The following TFDP2 variants were observed in gnomAD, a reference collection of about 807,000 sequenced individuals.
TFDP2 encodes transcription factor Dp-2, also known as transcription factor Dp-2 (E2F dimerization partner 2).
In TFDP2, 17 loss-of-function variants were observed where a neutral mutation model predicts 59.3. That is an observed-to-expected ratio of 0.29 (90% CI 0.20 to 0.43). The LOEUF (loss-of-function observed/expected upper bound fraction) is 0.43, where lower values mean the gene tolerates loss of function less well. TFDP2 is among the 20% of genes least tolerant of loss of function. The pLI is 1.00. For missense variants in TFDP2, 391 were observed against 528.8 expected (o/e 0.74, Z 2.56); for synonymous variants, 180 against 194.7 (o/e 0.92, Z 0.63).
At chr3:141,997,116 T>C (rs974445195) in intron 4 of TFDP2, among the ~76,000 whole-genome samples, 1 of 152,182 alleles carries the variant, frequency 6.6e-6, no homozygotes, top group Non-Finnish European at 1.5e-5. Flanking sequence ...GCAGGATCTT[T>C]AGGGGTGGCG....
chr3:142,038,731 T>C lies in TFDP2; in HGVS notation c.83-33187A>G, dbSNP rs903571809. Reference sequence around the variant, plus strand: ...ACATATCGAGTCTTTCTATGATACATATTTTTTTTTACAAAAAAGGGGATC... The same window carrying C: ...ACATATCGAGTCTTTCTATGATACACATTTTTTTTTACAAAAAAGGGGATC... On this transcript the variant is annotated intron_variant, in intron 3 of 12. Coordinates refer to ENST00000489671, the MANE Select transcript of TFDP2 (RefSeq NM_001178139.2). Among the ~76,000 whole-genome samples the C allele has an allele frequency of 3.3e-5, 5 of 151,208 alleles. No homozygotes were observed. The East Asian group carries it at 5.8e-4, about 18-fold the overall frequency.
intron 3 of TFDP2, among the ~76,000 whole-genome samples, chr3:142,019,168 G>A (rs1348957173): frequency 1.3e-5 from 2 of 151,790 alleles, no homozygotes; most frequent in African/African-American, 4.8e-5. Flanking sequence ...AGGTTCAATG[G>A]ATTCTCCTGC....
intron 3 of TFDP2, among the ~76,000 whole-genome samples, chr3:142,088,976 C>T (rs1414170336): frequency 6.6e-5 from 10 of 151,812 alleles, no homozygotes; most frequent in African/African-American, 1.2e-4. Context: ...TACAGGTGCC[C>T]GCCACCATGC....
chr3:141,973,118 T>C (rs1940045000), intron 8 of TFDP2, among the ~76,000 whole-genome samples: 1 of 87,602 alleles, frequency 1.1e-5, no homozygotes, highest in South Asian at 3.9e-4. Context: ...TATATATATA[T>C]ATATATTTTT....
At chr3:141,985,443 C>T (rs1346019951) in intron 6 of TFDP2, among the ~76,000 whole-genome samples, 1 of 147,022 alleles carries the variant, frequency 6.8e-6, no homozygotes, top group East Asian at 2.0e-4. Flanking sequence ...TTGCTTGTGC[C>T]TAGGAGGTCA....
chr3:142,023,139 AAAAAG>A (rs1560050675), intron 3 of TFDP2, among the ~76,000 whole-genome samples: 1 of 150,594 alleles, frequency 6.6e-6, no homozygotes, highest in African/African-American at 2.4e-5. Context: ...AAAAAAAAAA[AAAAAG>A]AAAAAGAAAA....
chr3:142,046,933 A>G lies in TFDP2; in HGVS notation c.83-41389T>C, dbSNP rs150953858. Among the ~76,000 whole-genome samples the G allele has an allele frequency of 4.7e-3, 711 of 152,326 alleles. 8 individuals are homozygous for G. Among genetic ancestry groups the G allele is most frequent in the African/African-American group, 0.016 (678 of 41,560 alleles). On this transcript the variant is annotated intron_variant, in intron 3 of 12. Coordinates refer to ENST00000489671, the MANE Select transcript of TFDP2 (RefSeq NM_001178139.2). ...AGCCCAAAAGGTCCTAAAATAATCT[A>G]GCACACATTCAACCTGGGAAAAGCA...
intron 1 of TFDP2, among the ~76,000 whole-genome samples, chr3:142,128,874 A>G (rs1276365785): frequency 6.6e-6 from 1 of 150,758 alleles, no homozygotes; most frequent in Non-Finnish European, 1.5e-5. Flanking sequence ...GAAAAAGAGG[A>G]AAAAAGGGAA....
chr3:142,016,604 T>A (rs1319364123), intron 3 of TFDP2, among the ~76,000 whole-genome samples: 4 of 152,196 alleles, frequency 2.6e-5, no homozygotes, highest in Non-Finnish European at 5.9e-5. Flanking sequence ...CCTGGCCAGA[T>A]GGTAAGTTTT....
intron 1 of TFDP2, among the ~76,000 whole-genome samples, chr3:142,130,489 TTC>T (rs2062456633): frequency 6.6e-6 from 1 of 151,538 alleles, no homozygotes; most frequent in African/African-American, 2.4e-5. Context: ...TATTTACTAT[TTC>T]TTTTTTTTTT....
intron 3 of TFDP2, among the ~76,000 whole-genome samples, chr3:142,091,128 G>A (rs1406995187): frequency 6.6e-6 from 1 of 152,078 alleles, no homozygotes; most frequent in Non-Finnish European, 1.5e-5. Flanking sequence ...AGTGGCCTCG[G>A]GCAGCTGAAG....
intron 1 of TFDP2, among the ~76,000 whole-genome samples, chr3:142,138,418 G>C (rs994068318): frequency 6.6e-6 from 1 of 152,126 alleles, no homozygotes; most frequent in Admixed American, 6.5e-5. Context: ...GCTAGCTTTT[G>C]AATGTGTTTG....
chr3:142,080,184 C>T (rs546000410), intron 3 of TFDP2, among the ~76,000 whole-genome samples: 29 of 152,080 alleles, frequency 1.9e-4, no homozygotes, highest in African/African-American at 6.7e-4. Flanking sequence ...AGGCTGGTCG[C>T]GAACTCTTGA....
At chr3:141,969,437 C>T (rs1000499108) in intron 9 of TFDP2, among the ~76,000 whole-genome samples, 1 of 150,434 alleles carries the variant, frequency 6.6e-6, no homozygotes, top group African/African-American at 2.4e-5. Flanking sequence ...ATGGTGAAAC[C>T]CCGTCTCTAC....
At chr3:142,052,182 G>T (rs111342344) in intron 3 of TFDP2, among the ~76,000 whole-genome samples, 1,752 of 152,212 alleles carry the variant, frequency 0.012, 38 homozygotes, top group African/African-American at 0.04. Flanking sequence ...AAACTTCTAG[G>T]AAAGTTCTAG....
intron 3 of TFDP2, among the ~76,000 whole-genome samples, chr3:142,051,287 C>A (rs751078570): frequency 6.6e-6 from 1 of 152,116 alleles, no homozygotes; most frequent in Non-Finnish European, 1.5e-5. Context: ...GGCCTGTAAT[C>A]CAGCACTTTG....
At chr3:141,972,693 A>G (rs1197900540) in intron 8 of TFDP2, among the ~76,000 whole-genome samples, 1 of 152,006 alleles carries the variant, frequency 6.6e-6, no homozygotes, top group Non-Finnish European at 1.5e-5. Flanking sequence ...GAATCTGTAC[A>G]TTTCTTTCTT....
chr3:142,015,262 A>C (rs1377789612), intron 3 of TFDP2, among the ~76,000 whole-genome samples: 1 of 152,144 alleles, frequency 6.6e-6, no homozygotes, highest in Non-Finnish European at 1.5e-5. Context: ...AAATACACTG[A>C]TGACTCTCGT....
At chr3:141,967,011 G>A (rs984712225) in intron 9 of TFDP2, among the ~76,000 whole-genome samples, 1 of 151,550 alleles carries the variant, frequency 6.6e-6, no homozygotes, top group Non-Finnish European at 1.5e-5. Flanking sequence ...CCGCCTCCCG[G>A]GTTCAAGTGA....
Sources: allele counts gnomAD v4.1 joint callset (sites outside exome capture counted in the v4.1 genomes callset), GRCh38; gene constraint gnomAD v4.1.1; transcripts MANE v1.5; gene names NCBI Gene and HGNC (gene_info 2026-07-23, HGNC 2026-07-21).